The following CELF2 variants were observed in gnomAD, a reference collection of about 807,000 sequenced individuals.
The protein encoded by CELF2 is CUG triplet repeat RNA-binding protein 2.
A neutral mutation model predicts 62.6 loss-of-function variants in CELF2; 8 were observed. That is an observed-to-expected ratio of 0.13 (90% CI 0.07 to 0.23). CELF2 has a LOEUF of 0.23. Among genes scored for constraint, CELF2 ranks in the 10% least tolerant of loss-of-function variants. The pLI is 1.00. For synonymous variants in CELF2, 258 were observed against 250.0 expected, an observed-to-expected ratio of 1.03 and a Z score of -0.30; for missense variants, 333 against 671.0, an observed-to-expected ratio of 0.50 and a Z score of 5.56.
In CELF2 at chr10:11,157,074, G is replaced by A. The variant is rs1010157954; in HGVS notation, c.75-8412G>A. 6.6e-6 allele frequency among the ~76,000 whole-genome samples: 1 copy of A among 152,146 alleles called. No individual in the cohort carries two copies. Among genetic ancestry groups the A allele is most frequent in the Non-Finnish European group, 1.5e-5 (1 of 68,018 alleles). Reference sequence around the variant, plus strand: ...GCGTGTGAGAATGAAGGGTGGAAATGGAAGGTCCTTTGCGGAACAGGCTCC... The same window carrying A: ...GCGTGTGAGAATGAAGGGTGGAAATAGAAGGTCCTTTGCGGAACAGGCTCC... On this transcript the variant is annotated intron_variant, in intron 1 of 12. Coordinates refer to ENST00000633077, the MANE Select transcript of CELF2 (RefSeq NM_001326342.2). The surrounding 1 kb of genome is among the most constrained non-coding windows in gnomAD (Gnocchi z 4.9).
At chr10:11,160,218 T>C (rs2065393242) in intron 1 of CELF2, among the ~76,000 whole-genome samples, 1 of 152,260 alleles carries the variant, frequency 6.6e-6, no homozygotes, top group Admixed American at 6.5e-5. Context: ...ACTATCCTCT[T>C]GCTTTGTTTT....
chr10:10,763,809 GTA>G, the CELF2 span, among the ~76,000 whole-genome samples: 36 of 152,214 alleles, frequency 2.4e-4, no homozygotes, highest in Admixed American at 2.4e-3. Flanking sequence ...GCCTCCTGTA[GTA>G]TTTGTTTGTG....
intron 1 of CELF2, among the ~76,000 whole-genome samples, chr10:11,026,147 C>T (rs557363527): frequency 1.1e-4 from 16 of 152,314 alleles, no homozygotes; most frequent in Admixed American, 2.0e-4. Context: ...TACGGTCCTC[C>T]GCGGACCACA....
intron 2 of CELF2, among the ~76,000 whole-genome samples, chr10:10,939,384 C>T (rs987318067): frequency 3.3e-5 from 5 of 151,996 alleles, no homozygotes; most frequent in South Asian, 2.1e-4. Context: ...CTCCTGGGTT[C>T]GAGCGATTCT....
rs2057546742 is a variant in CELF2 at position 11,018,012 on chromosome 10, C to T, written c.-78C>T. 3.8e-6 allele frequency: 4 copies of T among 1,056,938 alleles called. No individual in the cohort carries two copies. Among genetic ancestry groups the T allele is most frequent in the African/African-American group, 1.7e-5 (1 of 58,080 alleles). The allele number at this position is 1,056,938 out of a possible 1,614,324, so 65.5% of individuals were successfully genotyped here. ...GGGAGGCCGCGCGCACCTGTCCCTG[C>T]CCGTCTCGCGCCGCCCGCGGCCGCT... On this transcript the variant is annotated 5_prime_UTR_variant, in exon 1 of 13. Transcript: ENST00000633077.
At chr10:10,927,346 T>TAAAAAACAA (rs1554884890) in intron 2 of CELF2, 2 of 85,844 alleles carry the variant, frequency 2.3e-5, no homozygotes, top group South Asian at 7.6e-4. Flanking sequence ...CTAGTGACAT[T>TAAAAAACAA]AAAAAAAAAA....
intron 1 of CELF2, among the ~76,000 whole-genome samples, chr10:11,086,599 A>C (rs1433647584): frequency 1.4e-5 from 2 of 140,308 alleles, no homozygotes; most frequent in Admixed American, 6.9e-5. Context: ...AAAAAAAAAA[A>C]AAAAAAAAAA....
chr10:11,053,917 T>C (rs1000933670), intron 1 of CELF2, among the ~76,000 whole-genome samples: 4 of 152,134 alleles, frequency 2.6e-5, no homozygotes, highest in Admixed American at 2.0e-4. Context: ...CCCGGCCTGA[T>C]ATTTCTTGAA....
At chr10:10,949,474 T>C (rs2048062641) in intron 2 of CELF2, among the ~76,000 whole-genome samples, 2 of 151,986 alleles carry the variant, frequency 1.3e-5, no homozygotes, top group South Asian at 4.2e-4. Flanking sequence ...AGGAATGCAT[T>C]AAGTTTTGTT....
chr10:10,743,936 A>G, the CELF2 span, among the ~76,000 whole-genome samples: 1 of 152,230 alleles, frequency 6.6e-6, no homozygotes, highest in South Asian at 2.1e-4. Context: ...CTCATCTTTG[A>G]TAACCCCTGG....
the CELF2 span, among the ~76,000 whole-genome samples, chr10:10,696,289 G>C: frequency 1.9e-4 from 29 of 151,488 alleles, no homozygotes; most frequent in Non-Finnish European, 2.4e-4. Context: ...GCCCCTGCTG[G>C]GGGGTGCCTC....
chr10:10,684,863 G>A, the CELF2 span, among the ~76,000 whole-genome samples: 1 of 152,100 alleles, frequency 6.6e-6, no homozygotes, highest in East Asian at 1.9e-4. Context: ...TAGTCAACAA[G>A]GTTTTCAGAA....
chr10:11,280,820 G>T lies in CELF2; in HGVS notation c.841+5700G>T, dbSNP rs917262368. The stretch of plus-strand genomic sequence containing the variant: ...CTGGTTGGAGTGAGATGCCCAAGAG[G>T]CAGGGGAGGTCCTAGGGCTCTGAAG... On this transcript the variant is annotated intron_variant, in intron 8 of 12. Coordinates refer to ENST00000633077, the MANE Select transcript of CELF2 (RefSeq NM_001326342.2). This position sits in a 1 kb window ranked among gnomAD's most constrained non-coding sequence, Gnocchi z 7.6. Among the ~76,000 whole-genome samples the T allele has an allele frequency of 6.6e-6, 1 of 152,138 alleles. No individual in the cohort carries two copies. Among genetic ancestry groups the T allele is most frequent in the Non-Finnish European group, 1.5e-5 (1 of 68,008 alleles).
intron 2 of CELF2, among the ~76,000 whole-genome samples, chr10:10,942,656 C>G (rs2047176434): frequency 6.6e-6 from 1 of 152,070 alleles, no homozygotes; most frequent in African/African-American, 2.4e-5. Context: ...GAGGTTCAGC[C>G]CATATTCAAA....
chr10:10,832,283 A>AATAAAT, intron 1 of CELF2, among the ~76,000 whole-genome samples: 1 of 152,114 alleles, frequency 6.6e-6, no homozygotes, highest in East Asian at 1.9e-4. Flanking sequence ...AAAAAATAAA[A>AATAAAT]ATAAATAAAT....
intron 1 of CELF2, among the ~76,000 whole-genome samples, chr10:11,074,611 T>C (rs2071279025): frequency 6.6e-6 from 1 of 152,214 alleles, no homozygotes; most frequent in Non-Finnish European, 1.5e-5. Flanking sequence ...AAAGATGCCC[T>C]TCATTCCTGT....
At chr10:11,197,041 GAAAGAAAGAAAGAAAGA>G (rs2057969630) in intron 2 of CELF2, among the ~76,000 whole-genome samples, 1 of 17,440 alleles carries the variant, frequency 5.7e-5, no homozygotes, top group African/African-American at 3.6e-4. Context: ...AAGAAAGAAA[GAAAGAAAGAAAGAAAGA>G]AAAGAAAGAA....
chr10:11,064,862 C>T (rs369083191), intron 1 of CELF2, among the ~76,000 whole-genome samples: 1 of 152,110 alleles, frequency 6.6e-6, no homozygotes, highest in Non-Finnish European at 1.5e-5. Context: ...ACAAACCCTC[C>T]GGTAGTCAGG....
intron 2 of CELF2, among the ~76,000 whole-genome samples, chr10:11,195,780 A>G (rs2057298911): frequency 6.6e-6 from 1 of 152,184 alleles, no homozygotes; most frequent in Admixed American, 6.5e-5. Context: ...GGGAGGCTGC[A>G]TGTCCTTTGT....
Sources: gnomAD v4.1 joint callset for allele counts (sites outside exome capture counted in the v4.1 genomes callset) on GRCh38, gnomAD v4.1.1 for gene constraint, Gnocchi (gnomAD v3.1) non-coding constraint, MANE v1.5 for transcripts, NCBI Gene and HGNC (gene_info 2026-07-23, HGNC 2026-07-21) for gene names.